The following MCPH1 variants were observed in gnomAD, a reference collection of about 807,000 sequenced individuals.
MCPH1 encodes the protein microcephalin.
In MCPH1, 104 loss-of-function variants were observed where a neutral mutation model predicts 84.5. The observed-to-expected ratio is 1.23, with a 90% confidence interval of 1.05 to 1.45. MCPH1 has a LOEUF of 1.45. MCPH1 is among the 40% of genes most tolerant of loss of function. The pLI is 0.00. For missense variants in MCPH1, 1,498 were observed against 1,005.7 expected, an observed-to-expected ratio of 1.49 and a Z score of -6.62; for synonymous variants, 514 against 366.8, an observed-to-expected ratio of 1.40 and a Z score of -4.58.
At chr8:6,626,877 G>C (rs954118539) in intron 13 of MCPH1, 1 of 984,752 alleles carries the variant, frequency 1.0e-6, no homozygotes, top group East Asian at 1.1e-4. Flanking sequence ...TCTCATAGGC[G>C]TATTTCCACT....
chr8:6,539,698 C>T (rs4263789), intron 12 of MCPH1, among the ~76,000 whole-genome samples: 86,172 of 152,028 alleles, frequency 0.57, 26,131 homozygotes, highest in Non-Finnish European at 0.68. Flanking sequence ...ACGATTCTCC[C>T]GCCTCAGCTT....
intron 12 of MCPH1, among the ~76,000 whole-genome samples, chr8:6,609,458 A>G (rs977881472): frequency 1.3e-5 from 2 of 152,234 alleles, no homozygotes; most frequent in Non-Finnish European, 1.5e-5. Context: ...TGTAGCCTTA[A>G]AAGAAAAAAA....
intron 13 of MCPH1, among the ~76,000 whole-genome samples, chr8:6,641,784 C>A (rs1797952804): frequency 6.6e-6 from 1 of 152,188 alleles, no homozygotes; most frequent in South Asian, 2.1e-4. Context: ...ATACCTGCTT[C>A]ACTGTTGTGG....
At chr8:6,563,026 G>T in intron 12 of MCPH1, 2 of 1,384,058 alleles carry the variant, frequency 1.4e-6, no homozygotes, top group Non-Finnish European at 1.9e-6. Flanking sequence ...ACGCAGGGCT[G>T]CTACGCTGCC....
intron 12 of MCPH1, among the ~76,000 whole-genome samples, chr8:6,535,397 C>T (rs1245289749): frequency 1.3e-5 from 2 of 152,140 alleles, no homozygotes; most frequent in Non-Finnish European, 2.9e-5. Flanking sequence ...TCTTAACCTG[C>T]CATATTGTTT....
chr8:6,440,613 C>T (rs1437979611), intron 6 of MCPH1, among the ~76,000 whole-genome samples: 2 of 152,166 alleles, frequency 1.3e-5, no homozygotes, highest in African/African-American at 4.8e-5. Flanking sequence ...TTTCTCCATA[C>T]TTGGAAAACT....
chr8:6,423,190 C>CTTTTT (rs1165558274), intron 3 of MCPH1, among the ~76,000 whole-genome samples: 22 of 113,206 alleles, frequency 1.9e-4, no homozygotes, highest in African/African-American at 5.9e-4. Flanking sequence ...CTTTTCTTTT[C>CTTTTT]TTTTTTTTTT....
chr8:6,535,758 G>C (rs1820370108), intron 12 of MCPH1, among the ~76,000 whole-genome samples: 1 of 152,106 alleles, frequency 6.6e-6, no homozygotes, highest in Admixed American at 6.6e-5. Context: ...GATTTAAAAA[G>C]ATATTTGAGC....
chr8:6,499,081 A>C (rs1811650271), intron 11 of MCPH1, among the ~76,000 whole-genome samples: 1 of 128,240 alleles, frequency 7.8e-6, no homozygotes, highest in South Asian at 2.5e-4. Context: ...TAAATAAATA[A>C]ATAAATAAAT....
intron 12 of MCPH1, among the ~76,000 whole-genome samples, chr8:6,562,290 C>A (rs1025138756): frequency 1.3e-5 from 2 of 152,044 alleles, no homozygotes; most frequent in African/African-American, 2.4e-5. Context: ...TGAGAGCCTC[C>A]CTGGTGATGG....
Position 6,488,496 on chromosome 8 carries a change from T to C in MCPH1, c.2136+7620T>C, listed in dbSNP as rs910484933. ...TCACCCTGAGATGCAACCACAGGCTTGATTAGAAATAAAGTTTGATCACCA... is the reference window on the plus strand; with the variant it reads ...TCACCCTGAGATGCAACCACAGGCTCGATTAGAAATAAAGTTTGATCACCA... On this transcript the variant is annotated intron_variant, in intron 11 of 13. Coordinates refer to ENST00000344683, the MANE Select transcript of MCPH1 (RefSeq NM_024596.5). 3.2e-4 allele frequency among the ~76,000 whole-genome samples: 49 copies of C among 152,210 alleles called. 1 individual carries two copies. Among genetic ancestry groups the C allele is most frequent in the African/African-American group, 1.2e-3 (48 of 41,446 alleles).
intron 9 of MCPH1, among the ~76,000 whole-genome samples, chr8:6,458,457 G>T (rs1233626040): frequency 7.1e-6 from 1 of 141,656 alleles, no homozygotes; most frequent in Non-Finnish European, 1.5e-5. Context: ...GGGCAACAGA[G>T]TGAGACTCCT....
intron 12 of MCPH1, among the ~76,000 whole-genome samples, chr8:6,533,507 G>A (rs930724979): frequency 6.6e-6 from 1 of 151,364 alleles, no homozygotes; most frequent in Non-Finnish European, 1.5e-5. Context: ...CTTAAAGAGG[G>A]GTTAAGCTGT....
At chr8:6,583,955 G>A (rs1048603784) in intron 12 of MCPH1, among the ~76,000 whole-genome samples, 4 of 151,202 alleles carry the variant, frequency 2.6e-5, no homozygotes, top group Non-Finnish European at 5.9e-5. Context: ...TTGTTGTGGT[G>A]GGTAGTTCAA....
chr8:6,422,304 A>G (rs763807317), intron 3 of MCPH1, among the ~76,000 whole-genome samples: 21 of 151,494 alleles, frequency 1.4e-4, no homozygotes, highest in Non-Finnish European at 2.8e-4. Flanking sequence ...AGTGGCGTAG[A>G]GATACTAGAG....
intron 10 of MCPH1, among the ~76,000 whole-genome samples, chr8:6,480,052 C>T (rs1334627406): frequency 2.6e-5 from 4 of 151,914 alleles, no homozygotes; most frequent in Non-Finnish European, 5.9e-5. Flanking sequence ...GCCTGAAAAA[C>T]AAATCATTGC....
chr8:6,566,412 C>A (rs575155065), intron 12 of MCPH1, among the ~76,000 whole-genome samples: 1 of 151,314 alleles, frequency 6.6e-6, no homozygotes, highest in Non-Finnish European at 1.5e-5. Context: ...AGGCCATCCA[C>A]AGTCCACACA....
intron 12 of MCPH1, among the ~76,000 whole-genome samples, chr8:6,588,180 C>A (rs1247902988): frequency 6.6e-6 from 1 of 152,114 alleles, no homozygotes. Flanking sequence ...GATGGGACCA[C>A]TGTGCCTCCT....
Position 6,643,577 on chromosome 8 carries a change from C to G in MCPH1, c.*528C>G, listed in dbSNP as rs1474695503. On this transcript the variant is annotated 3_prime_UTR_variant, in exon 14 of 14. Transcript: ENST00000344683. ...GATCATAATTGAAAGGTCACAGAACCTTTGTCATTAGAGCACAGTACTGCC... is the reference window on the plus strand; with the variant it reads ...GATCATAATTGAAAGGTCACAGAACGTTTGTCATTAGAGCACAGTACTGCC... The G allele has an allele frequency of 1.8e-5, 3 of 168,324 alleles. No homozygotes were observed. Among genetic ancestry groups the G allele is most frequent in the South Asian group, 1.5e-4 (1 of 6,868 alleles). The allele number at this position is 168,324 out of a possible 1,614,324, so 10.4% of individuals were successfully genotyped here. A position where few individuals can be genotyped will look rare whatever the true frequency, so the allele number is the denominator to read the frequency against.
Sources: allele counts gnomAD v4.1 joint callset (sites outside exome capture counted in the v4.1 genomes callset), GRCh38; gene constraint gnomAD v4.1.1; transcripts MANE v1.5; gene names NCBI Gene and HGNC (gene_info 2026-07-23, HGNC 2026-07-21).